LYPD6: variants seen among roughly 807,000 people sequenced by gnomAD.
LYPD6 encodes ly6/PLAUR domain-containing protein 6.
In LYPD6, 15 loss-of-function variants were observed where a neutral mutation model predicts 22.7. The observed-to-expected ratio is 0.66, with a 90% confidence interval of 0.44 to 1.02. The LOEUF is 1.02. Among genes scored for constraint, LYPD6 ranks in the 50% least tolerant of loss-of-function variants. The pLI is 0.00. For missense variants in LYPD6, 189 were observed against 208.4 expected (o/e 0.91, Z 0.57); for synonymous variants, 72 against 77.5 (o/e 0.93, Z 0.37).
chr2:149,450,831 G>A (rs572558991), intron 3 of LYPD6, among the ~76,000 whole-genome samples: 108 of 152,290 alleles, frequency 7.1e-4, no homozygotes, highest in African/African-American at 2.3e-3. Flanking sequence ...CTAGGCATAA[G>A]GATTTTTAAA....
At chr2:149,476,229 C>G (rs781381406), downstream of LYPD6, among the ~76,000 whole-genome samples, 1 of 151,902 alleles carries the variant, frequency 6.6e-6, no homozygotes, top group African/African-American at 2.4e-5. Flanking sequence ...GGCAGTCTTA[C>G]GAGGACCATC....
intron 1 of LYPD6, among the ~76,000 whole-genome samples, chr2:149,428,549 G>A (rs1683235300): frequency 6.6e-6 from 1 of 152,142 alleles, no homozygotes; most frequent in South Asian, 2.1e-4. Flanking sequence ...TACCAGAGAA[G>A]ACTGGTTTAT....
chr2:149,436,611 C>G (rs890296541), intron 1 of LYPD6, among the ~76,000 whole-genome samples: 4 of 152,000 alleles, frequency 2.6e-5, no homozygotes, highest in African/African-American at 9.7e-5. Flanking sequence ...TGGAGTTTCA[C>G]TCTTGTTGCC....
chr2:149,400,800 CTG>C (rs1682538211), intron 1 of LYPD6, among the ~76,000 whole-genome samples: 1 of 152,178 alleles, frequency 6.6e-6, no homozygotes, highest in South Asian at 2.1e-4. Context: ...CTTAAATGCA[CTG>C]TGTGTATGAG....
At chr2:149,468,085 C>T (rs1008135364) in intron 3 of LYPD6, among the ~76,000 whole-genome samples, 2 of 150,022 alleles carry the variant, frequency 1.3e-5, no homozygotes, top group Non-Finnish European at 3.0e-5. Flanking sequence ...TGCTCATTGG[C>T]ACAAAGTTTT....
chr2:149,431,716 G>T lies in LYPD6; in HGVS notation c.-71-5922G>T, dbSNP rs1263058836. ...TATGCATTTTTTTTAGTCCTGTGTC[G>T]GTTGTGATTTTTATAAGGGAACAAA... On this transcript the variant is annotated intron_variant, in intron 1 of 4. Coordinates refer to ENST00000334166, the MANE Select transcript of LYPD6 (RefSeq NM_194317.5). 2.6e-5 allele frequency among the ~76,000 whole-genome samples: 4 copies of T among 151,932 alleles called. No homozygotes were observed. In the South Asian group the frequency reaches 8.3e-4, roughly 32 times the overall value.
chr2:149,369,196 A>G (rs1327688270), intron 1 of LYPD6, among the ~76,000 whole-genome samples: 1 of 152,112 alleles, frequency 6.6e-6, no homozygotes, highest in Non-Finnish European at 1.5e-5. Context: ...CCGGGGTTAC[A>G]GGCCACGGGA....
intron 1 of LYPD6, among the ~76,000 whole-genome samples, chr2:149,351,512 G>A (rs1268538918): frequency 6.6e-6 from 1 of 152,010 alleles, no homozygotes; most frequent in African/African-American, 2.4e-5. Flanking sequence ...TGATCTTGCT[G>A]GTGTCTTGAA....
chr2:149,446,517 A>C (rs1442366039), intron 2 of LYPD6, among the ~76,000 whole-genome samples: 1 of 152,222 alleles, frequency 6.6e-6, no homozygotes, highest in Non-Finnish European at 1.5e-5. Flanking sequence ...GGTATAAAAA[A>C]TATTTGTTTA....
intron 1 of LYPD6, among the ~76,000 whole-genome samples, chr2:149,382,236 C>A (rs1043004107): frequency 4.6e-5 from 7 of 152,076 alleles, no homozygotes; most frequent in African/African-American, 1.7e-4. Context: ...TCCTTAAGTG[C>A]AAAGTATTAT....
At chr2:149,397,278 T>A (rs999460697) in intron 1 of LYPD6, among the ~76,000 whole-genome samples, 5 of 152,254 alleles carry the variant, frequency 3.3e-5, no homozygotes, top group Non-Finnish European at 2.9e-5. Flanking sequence ...GTGGCTGGAG[T>A]CATCTGAAGG....
intron 1 of LYPD6, among the ~76,000 whole-genome samples, chr2:149,339,336 C>T (rs537390243): frequency 9.7e-4 from 148 of 152,230 alleles, no homozygotes; most frequent in Non-Finnish European, 1.4e-3. Flanking sequence ...CTGGAGCCAT[C>T]GTGGCTTAGA....
At chr2:149,480,877 C>A in the LYPD6 span, among the ~76,000 whole-genome samples, 2 of 152,144 alleles carry the variant, frequency 1.3e-5, no homozygotes. Flanking sequence ...AAAGGCCCAG[C>A]CCCCATCACC....
chr2:149,466,516 C>T (rs1408135080), intron 3 of LYPD6, among the ~76,000 whole-genome samples: 1 of 152,116 alleles, frequency 6.6e-6, no homozygotes, highest in Non-Finnish European at 1.5e-5. Context: ...AAAAAATCAG[C>T]TTATTAGGTA....
chr2:149,381,880 T>C (rs908815383), intron 1 of LYPD6, among the ~76,000 whole-genome samples: 2 of 152,210 alleles, frequency 1.3e-5, no homozygotes. Context: ...TTCCTTCTGT[T>C]AATATTCTCT....
chr2:149,448,588 A>G (rs1238999787), intron 2 of LYPD6, among the ~76,000 whole-genome samples: 1 of 152,044 alleles, frequency 6.6e-6, no homozygotes, highest in Non-Finnish European at 1.5e-5. Flanking sequence ...ACAACCACTA[A>G]TCATTTCAAA....
At chr2:149,449,733 A>G (rs1683767211) in intron 3 of LYPD6, among the ~76,000 whole-genome samples, 2 of 152,204 alleles carry the variant, frequency 1.3e-5, no homozygotes, top group East Asian at 1.9e-4. Flanking sequence ...TATCCTATCA[A>G]AAAGAAATAG....
chr2:149,372,539 C>G (rs183102608), intron 1 of LYPD6, among the ~76,000 whole-genome samples: 4 of 152,286 alleles, frequency 2.6e-5, no homozygotes, highest in Admixed American at 2.6e-4. Context: ...TTTAAATTAA[C>G]AAACTATTTT....
chr2:149,467,360 G>A (rs1424238556), intron 3 of LYPD6, among the ~76,000 whole-genome samples: 3 of 152,164 alleles, frequency 2.0e-5, no homozygotes, highest in Non-Finnish European at 4.4e-5. Flanking sequence ...CTGGGAAAGT[G>A]GCAGCTCTTA....
Sources: gnomAD v4.1 joint callset for allele counts (sites outside exome capture counted in the v4.1 genomes callset) on GRCh38, gnomAD v4.1.1 for gene constraint, MANE v1.5 for transcripts, NCBI Gene and HGNC (gene_info 2026-07-23, HGNC 2026-07-21) for gene names.